The following MARF1 variants were observed in gnomAD, a reference collection of about 807,000 sequenced individuals.
MARF1 encodes the protein limkain-b1.
Under a neutral mutation model 168.2 loss-of-function variants are expected in MARF1, and 24 were observed. The ratio of observed to expected loss-of-function variants is 0.14; its 90% CI spans 0.10 to 0.20. MARF1 has a LOEUF of 0.20. MARF1 is among the 10% of genes least tolerant of loss of function. The pLI is 1.00. For synonymous variants in MARF1, 868 were observed against 822.4 expected, an observed-to-expected ratio of 1.06 and a Z score of -0.95; for missense variants, 1,744 against 2,143.6, an observed-to-expected ratio of 0.81 and a Z score of 3.68.
At chr16:15,639,750 A>G (rs1345162251) in intron 1 of MARF1, among the ~76,000 whole-genome samples, 1 of 152,186 alleles carries the variant, frequency 6.6e-6, no homozygotes, top group Non-Finnish European at 1.5e-5. Flanking sequence ...ATAAAGAAAG[A>G]AAAAAACACA....
At position 15,610,987 on chromosome 16, in the gene MARF1, T is replaced by C; in HGVS notation, c.3739A>G (p.Ile1247Val). The C allele has an allele frequency of 6.2e-7, 1 of 1,613,940 alleles. No individual in the cohort carries two copies. Among genetic ancestry groups the C allele is most frequent in the Non-Finnish European group, 8.5e-7 (1 of 1,179,876 alleles). The change falls in exon 19 of 27, where the codon ATC becomes GTC. Residue 1247 changes from isoleucine to valine, a missense_variant. Around this residue, in one of 7 missense-constraint regions of MARF1, gnomAD observed 543 missense variants for 742.1 expected, o/e 0.73. Coordinates refer to ENST00000396368, the MANE Select transcript of MARF1 (RefSeq NM_014647.4). ...TTAAGTCACATACCTCTTTTGGGGA[T>C]ACAAATCACCATTTCATTATCTTGT... ...SQQDNEMVIC[I>V]PKRERTQDEI...
chr16:15,605,016 G>A (rs1008113464), intron 21 of MARF1, among the ~76,000 whole-genome samples: 7 of 152,202 alleles, frequency 4.6e-5, no homozygotes, highest in South Asian at 2.1e-4. Context: ...GGGTTTAAGC[G>A]GTTAAATGCG....
chr16:15,613,689 A>AAATAAATT (rs10657514), intron 16 of MARF1, among the ~76,000 whole-genome samples: 6 of 63,946 alleles, frequency 9.4e-5, no homozygotes, highest in African/African-American at 4.6e-4. Context: ...ATAAATAAAT[A>AAATAAATT]AAATAAAATA....
intron 20 of MARF1, 114 bp from the exon 21 acceptor site, chr16:15,608,632 G>T (rs1391448286): frequency 1.4e-6 from 1 of 698,866 alleles, no homozygotes; most frequent in South Asian, 1.8e-5. Context: ...TTACTGAATG[G>T]GTATAAAGTT....
chr16:15,641,400 C>G (rs575730514), intron 1 of MARF1, among the ~76,000 whole-genome samples: 1 of 152,192 alleles, frequency 6.6e-6, no homozygotes, highest in East Asian at 1.9e-4. Context: ...AAACTCCTCT[C>G]AAAATCGTAA....
At chr16:15,618,942 T>C (rs1453557247) in intron 13 of MARF1, among the ~76,000 whole-genome samples, 1 of 152,186 alleles carries the variant, frequency 6.6e-6, no homozygotes, top group Non-Finnish European at 1.5e-5. Context: ...ACACTCAGAA[T>C]CAAAATGACC....
chr16:15,635,117 G>A lies in MARF1; in HGVS notation c.832-186C>T, dbSNP rs1316894557. The stretch of plus-strand genomic sequence containing the variant: ...CTATCAGTTCATAAATTCATTTCCA[G>A]AAGTGACTTGACATGATCAAGAAAG... On this transcript the variant is annotated intron_variant, in intron 3 of 26. Transcript: ENST00000396368. 1.4e-5 allele frequency: 8 copies of A among 553,864 alleles called. No homozygotes were observed. The South Asian group carries it at 2.0e-4, about 14-fold the overall frequency. The allele number at this position is 553,864 out of a possible 1,614,324, so 34.3% of individuals were successfully genotyped here.
chr16:15,630,946 C>T (rs1430425793), intron 6 of MARF1, among the ~76,000 whole-genome samples: 1 of 151,918 alleles, frequency 6.6e-6, no homozygotes, highest in African/African-American at 2.4e-5. Context: ...GCCTGACCAA[C>T]TGGAGAAACC....
At chr16:15,639,724 AAAT>A (rs1306787207) in intron 1 of MARF1, among the ~76,000 whole-genome samples, 2 of 152,222 alleles carry the variant, frequency 1.3e-5, no homozygotes. Flanking sequence ...TTAACAAACA[AAAT>A]AATAATAATA....
At chr16:15,634,232 G>A (rs1334177656) in intron 4 of MARF1, among the ~76,000 whole-genome samples, 1 of 152,210 alleles carries the variant, frequency 6.6e-6, no homozygotes, top group Non-Finnish European at 1.5e-5. Context: ...CTACTTGGTA[G>A]TAACCAACAC....
chr16:15,614,481 CA>C (rs59862823), intron 16 of MARF1, among the ~76,000 whole-genome samples: 12,396 of 47,684 alleles, frequency 0.26, 635 homozygotes, highest in East Asian at 0.38. Flanking sequence ...GACTCCGTCT[CA>C]AAAAAAAAAA....
chr16:15,639,028 T>C, intron 2 of MARF1, 62 bp downstream of exon 2: 2 of 1,526,630 alleles, frequency 1.3e-6, no homozygotes, highest in South Asian at 1.2e-5. Context: ...CCAGACCAAA[T>C]GGACCTCTCT....
chr16:15,620,355 C>G (rs987849597), intron 13 of MARF1, 96 bp downstream of exon 13: 1 of 623,984 alleles, frequency 1.6e-6, no homozygotes, highest in African/African-American at 1.9e-5. Flanking sequence ...CTCTCCTCTA[C>G]CAGGCTGAAG....
rs765690258 is a variant in MARF1, at chr16:15,636,267, G to C, written c.220C>G (p.Leu74Val). Reference protein sequence around the residue: ...VPSPLHAGSKLFPAVPLPDIR... With the variant: ...VPSPLHAGSKVFPAVPLPDIR... Reference sequence around the variant, plus strand: ...TCAGGAAGTGGGACTGCTGGAAAAAGCTTAGAGCCAGCATGAAGGGGTGAT... The same window carrying C: ...TCAGGAAGTGGGACTGCTGGAAAAACCTTAGAGCCAGCATGAAGGGGTGAT... The change falls in exon 3 of 27, where the codon CTT (leucine) becomes GTT (valine). Residue 74 changes from leucine to valine, a missense_variant. Physicochemically the swap from Leu to Val is conservative, Grantham distance 32. Around this residue, in one of 7 missense-constraint regions of MARF1, gnomAD observed 318 missense variants for 336.6 expected, o/e 0.94. Transcript: ENST00000396368. 3.1e-6 allele frequency: 5 copies of C among 1,613,446 alleles called. No homozygotes were observed. In the African/African-American group the frequency reaches 5.3e-5, roughly 17 times the overall value.
At chr16:15,630,272 G>A (rs1239262660) in intron 7 of MARF1, 60 bp downstream of exon 7, 30 of 1,501,062 alleles carry the variant, frequency 2.0e-5, no homozygotes, top group Non-Finnish European at 2.7e-5. Flanking sequence ...ATTATGGGCT[G>A]TCTTTCAGCC....
chr16:15,600,911 A>G, intron 23 of MARF1: 1 of 703,896 alleles, frequency 1.4e-6, no homozygotes, highest in Non-Finnish European at 2.6e-6. Flanking sequence ...AGAGTAGTTC[A>G]AAAATCATGA....
In MARF1 at chr16:15,615,823, C is replaced by T. The variant is rs2034002089; in HGVS notation, c.3253+7G>A. The T allele has an allele frequency of 6.5e-7, 1 of 1,527,010 alleles. No homozygotes were observed. Among genetic ancestry groups the T allele is most frequent in the South Asian group, 1.3e-5 (1 of 79,284 alleles). The allele number at this position is 1,527,010 out of a possible 1,614,324, so 94.6% of individuals were successfully genotyped here. A position where few individuals can be genotyped will look rare whatever the true frequency, so the allele number is the denominator to read the frequency against. ...GGTAGCTCCAGGACAAAATACCTGA[C>T]ACCTACCAGTGTTGGGAGGCGGGGG... On this transcript the variant is annotated splice_region_variant and intron_variant, in intron 16 of 26. Coordinates refer to ENST00000396368, the MANE Select transcript of MARF1 (RefSeq NM_014647.4).
At chr16:15,626,232 T>A (rs1253035456) in intron 7 of MARF1, among the ~76,000 whole-genome samples, 1 of 152,158 alleles carries the variant, frequency 6.6e-6, no homozygotes, top group Non-Finnish European at 1.5e-5. Flanking sequence ...ACAGAAAGAT[T>A]AGTAGTGCCT....
intron 20 of MARF1, among the ~76,000 whole-genome samples, chr16:15,608,920 G>A (rs1376742352): frequency 6.6e-6 from 1 of 152,226 alleles, no homozygotes; most frequent in Non-Finnish European, 1.5e-5. Context: ...GATTTTAAAA[G>A]TATAAAAGTA....
Sources: gnomAD v4.1 joint callset for allele counts (sites outside exome capture counted in the v4.1 genomes callset) on GRCh38, gnomAD v4.1.1 for gene constraint, gnomAD v4.1.1 regional missense constraint, MANE v1.5 for transcripts, NCBI Gene and HGNC (gene_info 2026-07-23, HGNC 2026-07-21) for gene names.